The following THSD7B variants were observed in gnomAD, a reference collection of about 807,000 sequenced individuals.
The protein encoded by THSD7B is thrombospondin type 1 domain containing 7B, also known as thrombospondin type-1 domain-containing protein 7B.
A neutral mutation model predicts 213.6 loss-of-function variants in THSD7B; 138 were observed. The ratio of observed to expected loss-of-function variants is 0.65; its 90% CI spans 0.56 to 0.74. THSD7B has a LOEUF of 0.74. Among genes scored for constraint, THSD7B ranks in the 30% least tolerant of loss-of-function variants. The pLI is 0.00. For missense variants in THSD7B, 1,931 were observed against 1,991.5 expected, an observed-to-expected ratio of 0.97 and a Z score of 0.58; for synonymous variants, 742 against 687.0, an observed-to-expected ratio of 1.08 and a Z score of -1.25.
intron 1 of THSD7B, among the ~76,000 whole-genome samples, chr2:136,876,011 GTT>G (rs769935557): frequency 1.1e-4 from 17 of 152,078 alleles, no homozygotes; most frequent in Admixed American, 6.5e-5. Context: ...CTTCTCTTTA[GTT>G]TTCATGGTAG....
At chr2:137,105,113 G>A (rs7604783) in intron 4 of THSD7B, among the ~76,000 whole-genome samples, 49,559 of 152,024 alleles carry the variant, frequency 0.33, 10,319 homozygotes, top group African/African-American at 0.59. Flanking sequence ...AACAACAAAA[G>A]AATTTCAGGC....
intron 7 of THSD7B, among the ~76,000 whole-genome samples, chr2:137,229,015 C>T (rs1336844295): frequency 3.3e-5 from 5 of 152,216 alleles, no homozygotes; most frequent in Admixed American, 6.5e-5. Context: ...GTGTGGCCCT[C>T]GATCAAATAC....
intron 2 of THSD7B, among the ~76,000 whole-genome samples, chr2:136,939,059 G>A (rs1684776898): frequency 6.6e-6 from 1 of 151,768 alleles, no homozygotes; most frequent in African/African-American, 2.4e-5. Flanking sequence ...ACCTGGCCAT[G>A]CAAAACAAGA....
intron 2 of THSD7B, among the ~76,000 whole-genome samples, chr2:136,970,421 G>T (rs191755163): frequency 7.9e-5 from 12 of 152,050 alleles, no homozygotes; most frequent in Non-Finnish European, 1.5e-4. Flanking sequence ...AGCTGAGATT[G>T]CACCACTGTA....
At chr2:137,659,151 T>C (rs1214895901) in intron 24 of THSD7B, among the ~76,000 whole-genome samples, 1 of 152,218 alleles carries the variant, frequency 6.6e-6, no homozygotes. Context: ...TGTGCATGTA[T>C]TCCAGTTGAC....
At chr2:137,332,803 G>A (rs138507642) in intron 12 of THSD7B, among the ~76,000 whole-genome samples, 2 of 152,266 alleles carry the variant, frequency 1.3e-5, no homozygotes, top group East Asian at 3.9e-4. Flanking sequence ...GCTCAGCTCT[G>A]TCATTCTCCT....
At chr2:136,973,909 T>G (rs1558872728) in intron 2 of THSD7B, among the ~76,000 whole-genome samples, 1 of 152,220 alleles carries the variant, frequency 6.6e-6, no homozygotes, top group Non-Finnish European at 1.5e-5. Context: ...TAAACTATCA[T>G]GCGATAATGC....
intron 3 of THSD7B, among the ~76,000 whole-genome samples, chr2:137,091,034 G>C (rs1377767420): frequency 6.6e-6 from 1 of 152,070 alleles, no homozygotes; most frequent in Non-Finnish European, 1.5e-5. Context: ...TATTATTATT[G>C]TTTTAACCAA....
intron 12 of THSD7B, among the ~76,000 whole-genome samples, chr2:137,300,687 A>C (rs532446445): frequency 6.6e-6 from 1 of 152,294 alleles, no homozygotes; most frequent in East Asian, 1.9e-4. Flanking sequence ...ATTGCTGTAG[A>C]GGAAGGCACA....
chr2:137,433,759 A>G lies in THSD7B; in HGVS notation c.2960-17086A>G, dbSNP rs1014971283. Among the ~76,000 whole-genome samples the G allele has an allele frequency of 2.0e-5, 3 of 152,234 alleles. No homozygotes were observed. In the East Asian group the frequency reaches 5.8e-4, roughly 29 times the overall value. Reference sequence around the variant, plus strand: ...TGACATTTACATTAAAATAAATAAAATGTATACTTTATATAATACCTATTG... The same window carrying G: ...TGACATTTACATTAAAATAAATAAAGTGTATACTTTATATAATACCTATTG... On this transcript the variant is annotated intron_variant, in intron 14 of 27. Coordinates refer to ENST00000409968, the MANE Select transcript of THSD7B (RefSeq NM_001316349.2).
intron 2 of THSD7B, among the ~76,000 whole-genome samples, chr2:136,911,927 A>G (rs936845119): frequency 6.6e-6 from 1 of 152,152 alleles, no homozygotes; most frequent in African/African-American, 2.4e-5. Flanking sequence ...AGATGGATAA[A>G]TGGATAGATG....
chr2:137,139,981 G>A lies in THSD7B; in HGVS notation c.1370-20232G>A, dbSNP rs144805580. Reference sequence around the variant, plus strand: ...ATTGGTTTTTATTCATAAAGGAAATGTGTTATTATAAAAATTTATAGAGAG... The same window carrying A: ...ATTGGTTTTTATTCATAAAGGAAATATGTTATTATAAAAATTTATAGAGAG... On this transcript the variant is annotated intron_variant, in intron 5 of 27. Coordinates refer to ENST00000409968, the MANE Select transcript of THSD7B (RefSeq NM_001316349.2). Among the ~76,000 whole-genome samples the A allele has an allele frequency of 4.4e-3, 671 of 152,164 alleles. 7 individuals carry two copies. Among genetic ancestry groups the A allele is most frequent in the Middle Eastern group, 6.8e-3 (2 of 294 alleles).
intron 21 of THSD7B, among the ~76,000 whole-genome samples, chr2:137,643,324 T>C (rs945542624): frequency 3.3e-5 from 5 of 152,240 alleles, no homozygotes; most frequent in African/African-American, 7.2e-5. Flanking sequence ...TTCCAAAGCA[T>C]ACTTTAATTA....
chr2:137,342,660 C>G (rs1470673158), intron 12 of THSD7B, among the ~76,000 whole-genome samples: 3 of 151,320 alleles, frequency 2.0e-5, no homozygotes, highest in Non-Finnish European at 3.0e-5. Context: ...CATATATGGC[C>G]TTTATTGTGT....
chr2:137,647,441 C>CTCTCTCTCT (rs1683055237), intron 21 of THSD7B, among the ~76,000 whole-genome samples: 1 of 127,170 alleles, frequency 7.9e-6, no homozygotes, highest in African/African-American at 2.9e-5. Context: ...CTCTCTCTCT[C>CTCTCTCTCT]CCCAACCCCC....
intron 12 of THSD7B, among the ~76,000 whole-genome samples, chr2:137,276,664 C>CAT (rs1682882936): frequency 6.6e-6 from 1 of 152,064 alleles, no homozygotes; most frequent in Non-Finnish European, 1.5e-5. Flanking sequence ...CTATTTCATT[C>CAT]ATAATCCAGG....
chr2:136,801,025 T>G (rs751030503), intron 1 of THSD7B, among the ~76,000 whole-genome samples: 3 of 152,048 alleles, frequency 2.0e-5, no homozygotes, highest in Non-Finnish European at 4.4e-5. Context: ...AGTTTTTTTT[T>G]CCTTTGTCCC....
At chr2:137,038,723 G>A (rs1045804636) in intron 2 of THSD7B, among the ~76,000 whole-genome samples, 1 of 152,210 alleles carries the variant, frequency 6.6e-6, no homozygotes, top group Non-Finnish European at 1.5e-5. Flanking sequence ...AGGCAGGGTT[G>A]CAGTCTACAA....
Position 136,938,365 on chromosome 2 carries a change from A to G in THSD7B, c.139+56048A>G, listed in dbSNP as rs139852974. 1.9e-3 allele frequency among the ~76,000 whole-genome samples: 283 copies of G among 152,266 alleles called. 2 individuals carry two copies. Among genetic ancestry groups the G allele is most frequent in the African/African-American group, 6.5e-3 (270 of 41,554 alleles). On this transcript the variant is annotated intron_variant, in intron 2 of 27. Coordinates refer to ENST00000409968, the MANE Select transcript of THSD7B (RefSeq NM_001316349.2). ...GAGACTGAGGAGCTGAAAATAAACA[A>G]TTAAATTTAGTTTAAGTTTATCTTG...
Sources: allele counts gnomAD v4.1 joint callset (sites outside exome capture counted in the v4.1 genomes callset), GRCh38; gene constraint gnomAD v4.1.1; transcripts MANE v1.5; gene names NCBI Gene and HGNC (gene_info 2026-07-23, HGNC 2026-07-21).